Variants in UGCG observed in about 807,000 individuals in gnomAD.
UGCG encodes UDP-glucose ceramide glucosyltransferase.
A neutral mutation model predicts 49.5 loss-of-function variants in UGCG; 10 were observed. That is an observed-to-expected ratio of 0.20 (90% CI 0.12 to 0.34). The LOEUF is 0.34. Among genes scored for constraint, UGCG ranks in the 10% least tolerant of loss-of-function variants. The probability of loss-of-function intolerance (pLI) is 1.00; values close to 1 mark genes in which losing one functional copy is unlikely to be tolerated. For synonymous variants in UGCG, 182 were observed against 158.2 expected, an observed-to-expected ratio of 1.15 and a Z score of -1.13; for missense variants, 312 against 483.7, an observed-to-expected ratio of 0.65 and a Z score of 3.33.
In UGCG at chr9:111,897,198, G is replaced by C; in HGVS notation, c.-18G>C. Reference sequence around the variant, plus strand: ...GTTGGCGGCCGCAGCGGGCCGGGCCGGTCCGGCGGGCCGGGGGATGGCGCT... The same window carrying C: ...GTTGGCGGCCGCAGCGGGCCGGGCCCGTCCGGCGGGCCGGGGGATGGCGCT... On this transcript the variant is annotated 5_prime_UTR_variant, in exon 1 of 9. Transcript: ENST00000374279. The C allele has an allele frequency of 6.5e-7, 1 of 1,540,234 alleles. No individual in the cohort carries two copies. Among genetic ancestry groups the C allele is most frequent in the South Asian group, 1.2e-5 (1 of 83,760 alleles).
chr9:111,913,107 A>G (rs550772823), intron 1 of UGCG, among the ~76,000 whole-genome samples: 2 of 152,224 alleles, frequency 1.3e-5, no homozygotes, highest in African/African-American at 4.8e-5. Context: ...TTTTTTGATC[A>G]TCTAGAAGTT....
chr9:111,902,781 T>C (rs1231899990), intron 1 of UGCG, among the ~76,000 whole-genome samples: 1 of 146,884 alleles, frequency 6.8e-6, no homozygotes, highest in Non-Finnish European at 1.5e-5. Context: ...TGAAATTCTC[T>C]CTTTTTTTTT....
intron 1 of UGCG, among the ~76,000 whole-genome samples, chr9:111,913,662 A>G (rs1264824221): frequency 6.8e-6 from 1 of 147,966 alleles, no homozygotes; most frequent in Non-Finnish European, 1.5e-5. Context: ...CTGGTCTCGA[A>G]CTCCTGACCT....
chr9:111,932,042 C>T, intron 7 of UGCG, 128 bp from the exon 8 acceptor site: 1 of 967,032 alleles, frequency 1.0e-6, no homozygotes, highest in South Asian at 1.9e-5. Flanking sequence ...AAAAACAAAA[C>T]AAAAAAAGTT....
intron 2 of UGCG, among the ~76,000 whole-genome samples, chr9:111,918,952 C>CA (rs148874658): frequency 0.34 from 49,376 of 146,238 alleles, 8,626 homozygotes; most frequent in African/African-American, 0.42. Flanking sequence ...AACAAAAAAA[C>CA]AAAAAAAAAC....
intron 2 of UGCG, among the ~76,000 whole-genome samples, chr9:111,919,940 T>C (rs1838190620): frequency 6.6e-6 from 1 of 152,218 alleles, no homozygotes; most frequent in Non-Finnish European, 1.5e-5. Flanking sequence ...CTAATCATTA[T>C]TGTGAAGGTC....
chr9:111,897,173 G>A lies in UGCG; in HGVS notation c.-43G>A. ...CTCCTCCTGCGGGAGCGTTGTCCGT[G>A]TTGGCGGCCGCAGCGGGCCGGGCCG... On this transcript the variant is annotated 5_prime_UTR_variant, in exon 1 of 9. Coordinates refer to ENST00000374279, the MANE Select transcript of UGCG (RefSeq NM_003358.3). 1 of 1,523,234 alleles carries A rather than the reference G, an allele frequency of 6.6e-7. No individual in the cohort carries two copies. The highest frequency in any genetic ancestry group is 8.8e-7 in the Non-Finnish European group (1 of 1,134,210). 94.4% of individuals were successfully genotyped at this position (1,523,234 alleles called of 1,614,324 possible).
intron 1 of UGCG, among the ~76,000 whole-genome samples, chr9:111,907,561 C>T (rs1286187170): frequency 1.3e-5 from 2 of 151,620 alleles, no homozygotes; most frequent in East Asian, 1.9e-4. Flanking sequence ...TGAATTTCAC[C>T]GTGTTGGGTG....
intron 5 of UGCG, among the ~76,000 whole-genome samples, chr9:111,927,381 T>C (rs553050921): frequency 1.3e-5 from 2 of 151,768 alleles, no homozygotes; most frequent in South Asian, 4.1e-4. Flanking sequence ...AAGTATAAGA[T>C]GCAAAAAAAC....
chr9:111,916,513 A>G (rs898348455), intron 2 of UGCG, among the ~76,000 whole-genome samples: 21 of 152,124 alleles, frequency 1.4e-4, no homozygotes, highest in Admixed American at 1.0e-3. Context: ...TTTGTCACCT[A>G]GGCTGGAGCA....
At chr9:111,929,405 CA>C (rs781091474) in intron 5 of UGCG, 94 bp from the exon 6 acceptor site, 25 of 1,284,540 alleles carry the variant, frequency 1.9e-5, no homozygotes, top group Non-Finnish European at 2.5e-5. Context: ...TTCACTCAAT[CA>C]TACTTATAAA....
At chr9:111,908,654 GGATTCCCA>G (rs1366655903) in intron 1 of UGCG, among the ~76,000 whole-genome samples, 3 of 152,308 alleles carry the variant, frequency 2.0e-5, no homozygotes, top group East Asian at 1.9e-4. Context: ...GGTAAGAACT[GGATTCCCA>G]GTATAGAACC....
In UGCG at chr9:111,904,344, G is replaced by A. The variant is rs1298784637; in HGVS notation, c.98+7031G>A. ...CAGGGCTCAGCTAAACCTGCATTGC[G>A]GTGCTGCCTGGCAGTGCTTTTTTTT... On this transcript the variant is annotated intron_variant, in intron 1 of 8. Coordinates refer to ENST00000374279, the MANE Select transcript of UGCG (RefSeq NM_003358.3). 3.3e-5 allele frequency among the ~76,000 whole-genome samples: 5 copies of A among 152,156 alleles called. 2 individuals carry two copies. The South Asian group carries it at 8.3e-4, about 25-fold the overall frequency.
intron 6 of UGCG, 133 bp downstream of exon 6, chr9:111,929,811 A>G (rs1323708779): frequency 2.9e-6 from 3 of 1,020,318 alleles, no homozygotes; most frequent in Non-Finnish European, 4.1e-6. Flanking sequence ...GAATAGGTCA[A>G]TAATTTTATT....
At chr9:111,902,765 C>G (rs1182504839) in intron 1 of UGCG, among the ~76,000 whole-genome samples, 3 of 151,254 alleles carry the variant, frequency 2.0e-5, no homozygotes, top group Non-Finnish European at 2.9e-5. Context: ...CCTTAGAAAC[C>G]TAGAGTGAAA....
chr9:111,902,993 G>T (rs117728732), intron 1 of UGCG, among the ~76,000 whole-genome samples: 3,514 of 152,188 alleles, frequency 0.023, 43 homozygotes, highest in Non-Finnish European at 0.026. Flanking sequence ...GGCCAGTCTG[G>T]TCTTGAACTC....
intron 5 of UGCG, among the ~76,000 whole-genome samples, chr9:111,929,082 G>A (rs867880312): frequency 1.2e-4 from 17 of 144,820 alleles, no homozygotes; most frequent in Non-Finnish European, 1.9e-4. Flanking sequence ...GGATTGTCCC[G>A]AAGGTTGATA....
At chr9:111,926,172 A>G (rs1299868830) in intron 4 of UGCG, among the ~76,000 whole-genome samples, 1 of 152,250 alleles carries the variant, frequency 6.6e-6, no homozygotes, top group Non-Finnish European at 1.5e-5. Context: ...TAAAAAATGT[A>G]TAAATTAGCT....
intron 4 of UGCG, among the ~76,000 whole-genome samples, chr9:111,925,486 T>A (rs1355200387): frequency 6.6e-6 from 1 of 152,262 alleles, no homozygotes; most frequent in African/African-American, 2.4e-5. Flanking sequence ...TTGTAGGATG[T>A]TTAGCAGCAT....
Sources: allele counts gnomAD v4.1 joint callset (sites outside exome capture counted in the v4.1 genomes callset), GRCh38; gene constraint gnomAD v4.1.1; transcripts MANE v1.5; gene names NCBI Gene and HGNC (gene_info 2026-07-23, HGNC 2026-07-21).